NECTIN3: variants seen among roughly 807,000 people sequenced by gnomAD.
NECTIN3 encodes nectin-3.
NECTIN3 carries 8 observed loss-of-function variants against 49.4 expected under a neutral mutation model. The ratio of observed to expected loss-of-function variants is 0.16; its 90% CI spans 0.10 to 0.29. The LOEUF is 0.29. NECTIN3 is among the 10% of genes least tolerant of loss of function. The probability of loss-of-function intolerance (pLI) is 1.00; values close to 1 mark genes in which losing one functional copy is unlikely to be tolerated. For missense variants in NECTIN3, 581 were observed against 654.6 expected, an observed-to-expected ratio of 0.89 and a Z score of 1.23; for synonymous variants, 277 against 241.1, an observed-to-expected ratio of 1.15 and a Z score of -1.38.
At position 111,118,610 on chromosome 3, in the gene NECTIN3, T is replaced by C. The variant is rs573711422; in HGVS notation, c.503-46T>C. ...GATGTGACTTGGAAAGATATAAACATATTCTTGTTTGAATGTAACTAATTA... is the reference window on the plus strand; with the variant it reads ...GATGTGACTTGGAAAGATATAAACACATTCTTGTTTGAATGTAACTAATTA... On this transcript the variant is annotated intron_variant, in intron 2 of 5. Coordinates refer to ENST00000485303, the MANE Select transcript of NECTIN3 (RefSeq NM_015480.3). 1.3e-5 allele frequency: 19 copies of C among 1,436,226 alleles called. No individual in the cohort carries two copies. In the African/African-American group the frequency reaches 2.3e-4, roughly 17 times the overall value. 89.0% of individuals were successfully genotyped at this position (1,436,226 alleles called of 1,614,324 possible). A position where few individuals can be genotyped will look rare whatever the true frequency, so the allele number is the denominator to read the frequency against.
At chr3:111,090,929 AGTGT>A (rs112171056) in intron 1 of NECTIN3, among the ~76,000 whole-genome samples, 3 of 140,130 alleles carry the variant, frequency 2.1e-5, no homozygotes, top group Non-Finnish European at 4.7e-5. Context: ...CATTAGTGCT[AGTGT>A]GTGTGTGTGT....
At chr3:111,121,376 T>C (rs551981053) in intron 3 of NECTIN3, among the ~76,000 whole-genome samples, 2 of 152,200 alleles carry the variant, frequency 1.3e-5, no homozygotes, top group South Asian at 4.1e-4. Flanking sequence ...AGAGTGATGG[T>C]TGAATGAATG....
intron 7 of NECTIN3, among the ~76,000 whole-genome samples, chr3:111,149,725 T>C (rs79453417): frequency 6.6e-6 from 1 of 151,926 alleles, no homozygotes; most frequent in African/African-American, 2.4e-5. Context: ...TTTTTTTTTT[T>C]ACATTTCTTA....
At chr3:111,073,614 G>C (rs1050825519) in intron 1 of NECTIN3, 34 of 152,354 alleles carry the variant, frequency 2.2e-4, no homozygotes, top group African/African-American at 8.0e-4. Context: ...GATTGAATTT[G>C]TGTGCTGTTC....
intron 5 of NECTIN3, among the ~76,000 whole-genome samples, chr3:111,132,631 T>G (rs939759640): frequency 6.6e-6 from 1 of 151,914 alleles, no homozygotes; most frequent in African/African-American, 2.4e-5. Flanking sequence ...TTTTTGCTAT[T>G]TATGTTTAGT....
chr3:111,104,917 G>T (rs2033106438), intron 1 of NECTIN3, among the ~76,000 whole-genome samples: 1 of 152,150 alleles, frequency 6.6e-6, no homozygotes, highest in South Asian at 2.1e-4. Flanking sequence ...ATGGGAATTT[G>T]ATTGTGTTAA....
At chr3:111,139,259 T>G (rs1053934379), downstream of NECTIN3, among the ~76,000 whole-genome samples, 3 of 151,748 alleles carry the variant, frequency 2.0e-5, no homozygotes, top group African/African-American at 7.2e-5. Flanking sequence ...TCTAATTGTA[T>G]GTATTTTGCA....
In NECTIN3 at chr3:111,134,755, C is replaced by G. The variant is rs1276501553; in HGVS notation, c.*540C>G. Reference sequence around the variant, plus strand: ...GGCTTTCCTTTTCAAACATTATTTTCTAAGTTTCTATACAAATGAAATCTT... The same window carrying G: ...GGCTTTCCTTTTCAAACATTATTTTGTAAGTTTCTATACAAATGAAATCTT... On this transcript the variant is annotated 3_prime_UTR_variant, in exon 6 of 6. Coordinates refer to ENST00000485303, the MANE Select transcript of NECTIN3 (RefSeq NM_015480.3). 3.1e-6 allele frequency: 3 copies of G among 952,502 alleles called. No individual in the cohort carries two copies. The allele number at this position is 952,502 out of a possible 1,614,324, so 59.0% of individuals were successfully genotyped here. A position where few individuals can be genotyped will look rare whatever the true frequency, so the allele number is the denominator to read the frequency against.
chr3:111,108,358 AT>A (rs1190851086), intron 1 of NECTIN3, among the ~76,000 whole-genome samples: 3 of 151,894 alleles, frequency 2.0e-5, no homozygotes, highest in African/African-American at 7.3e-5. Flanking sequence ...CCTAACCTAA[AT>A]GTTGTAGAAT....
exon 6 of NECTIN3, chr3:111,144,905 C>G: frequency 6.5e-6 from 10 of 1,533,570 alleles, no homozygotes; most frequent in Non-Finnish European, 8.7e-6. Context: ...ACAGATGTTC[C>G]ATTTAAGCAG....
In NECTIN3 at chr3:111,122,122, T is replaced by C. The variant is rs763233600; in HGVS notation, c.801T>C (p.Tyr267=). ...TCCTGTCATGCATTTATTTTATAGA[T>C]GCTCCTGAAGTTTCGGTAACAGGAT... is the stretch of plus-strand genomic sequence containing the variant. ...IRYSFILDIQ[Y]APEVSVTGYD... The change falls in exon 4 of 6, where the codon TAT becomes TAC. Residue 267 remains tyrosine (Y), a splice_region_variant and synonymous_variant. Transcript: ENST00000485303. The C allele has an allele frequency of 2.5e-6, 4 of 1,594,080 alleles. No homozygotes were observed. Among genetic ancestry groups the C allele is most frequent in the Non-Finnish European group, 3.4e-6 (4 of 1,162,300 alleles).
At chr3:111,113,359 AG>A (rs1438381924) in intron 2 of NECTIN3, among the ~76,000 whole-genome samples, 2 of 152,116 alleles carry the variant, frequency 1.3e-5, no homozygotes, top group African/African-American at 4.8e-5. Context: ...CTTTTCTCCC[AG>A]TTATCACTCC....
chr3:111,090,031 ATTTAC>A (rs908862881), intron 1 of NECTIN3, among the ~76,000 whole-genome samples: 1 of 152,044 alleles, frequency 6.6e-6, no homozygotes, highest in African/African-American at 2.4e-5. Context: ...TTGCCTTAAC[ATTTAC>A]TTTGTCTAGT....
At chr3:111,130,931 A>G (rs1419890002) in intron 5 of NECTIN3, among the ~76,000 whole-genome samples, 1 of 152,090 alleles carries the variant, frequency 6.6e-6, no homozygotes, top group Non-Finnish European at 1.5e-5. Context: ...GATATGTCAA[A>G]TAAGTGCCCC....
chr3:111,102,177 G>A (rs1050007421), intron 1 of NECTIN3, among the ~76,000 whole-genome samples: 23 of 152,034 alleles, frequency 1.5e-4, no homozygotes, highest in African/African-American at 5.3e-4. Flanking sequence ...CAATAGAAAT[G>A]GTGTATATAA....
chr3:111,173,952 CATCATT>C (rs1290453777), intron 7 of NECTIN3, among the ~76,000 whole-genome samples: 6 of 152,128 alleles, frequency 3.9e-5, no homozygotes, highest in Non-Finnish European at 7.3e-5. Context: ...CTGTCATCAT[CATCATT>C]ATCATTATCG....
chr3:111,133,968 A>G lies in NECTIN3; in HGVS notation c.1403A>G (p.Asp468Gly), dbSNP rs150500468. The G allele has an allele frequency of 8.1e-6, 13 of 1,613,534 alleles. No homozygotes were observed. In the East Asian group the frequency reaches 2.7e-4, roughly 33 times the overall value. ...LQQDELDSYPDSVKKENKNPV... is the reference protein window; with the variant it reads ...LQQDELDSYPGSVKKENKNPV... ...CAAGATGAGCTTGATTCTTACCCAGACAGTGTAAAAAAAGAAAACAAAAAT... is the reference window on the plus strand; with the variant it reads ...CAAGATGAGCTTGATTCTTACCCAGGCAGTGTAAAAAAAGAAAACAAAAAT... The change falls in exon 6 of 6, where the codon GAC becomes GGC. Residue 468 changes from aspartate (D) to glycine (G), a missense_variant. Transcript: ENST00000485303.
At position 111,165,502 on chromosome 3, in the gene NECTIN3, G is replaced by A. The variant is rs181027726; in HGVS notation, c.1221+18018G>A. Among the ~76,000 whole-genome samples, 65 of 152,294 alleles carry A rather than the reference G, an allele frequency of 4.3e-4. No homozygotes were observed. The East Asian group carries it at 9.6e-3, about 23-fold the overall frequency. ...GACTTTCCTGAAAGAACCAGAATAT[G>A]TATGAGTAGAGAAAATCTTTTAAGG... On this transcript the variant is annotated intron_variant, in intron 7 of 8. Transcript: ENST00000493615.
chr3:111,126,227 A>T lies in NECTIN3; in HGVS notation c.961A>T (p.Thr321Ser). 1 of 1,609,004 alleles carries T rather than the reference A, an allele frequency of 6.2e-7. No homozygotes were observed. Among genetic ancestry groups the T allele is most frequent in the South Asian group, 1.1e-5 (1 of 90,426 alleles). ...WPDGLLASDN[T>S]LHFVHPLTFN... Reference sequence around the variant, plus strand: ...TGATGGTTTATTGGCTTCAGACAATACTCTTCATTTTGTCCATCCATTGAC... The same window carrying T: ...TGATGGTTTATTGGCTTCAGACAATTCTCTTCATTTTGTCCATCCATTGAC... The change falls in exon 5 of 6, where the codon ACT (threonine) becomes TCT (serine). Residue 321 changes from threonine to serine, a missense_variant. Coordinates refer to ENST00000485303, the MANE Select transcript of NECTIN3 (RefSeq NM_015480.3).
Sources: gnomAD v4.1 joint callset for allele counts (sites outside exome capture counted in the v4.1 genomes callset) on GRCh38, gnomAD v4.1.1 for gene constraint, MANE v1.5 for transcripts, NCBI Gene and HGNC (gene_info 2026-07-23, HGNC 2026-07-21) for gene names.